Variants in STARD13 observed in about 807,000 individuals in gnomAD.
STARD13 encodes the protein StAR related lipid transfer domain containing 13.
Under a neutral mutation model 106.4 loss-of-function variants are expected in STARD13, and 62 were observed. That is an observed-to-expected ratio of 0.58 (90% CI 0.48 to 0.72). The LOEUF is 0.72. STARD13 is among the 30% of genes least tolerant of loss of function. STARD13 has a pLI of 0.00. For missense variants in STARD13, 1,387 were observed against 1,424.0 expected (o/e 0.97, Z 0.42); for synonymous variants, 565 against 553.0 (o/e 1.02, Z -0.31).
At chr13:33,303,043 C>T (rs1309282092) in intron 1 of STARD13, among the ~76,000 whole-genome samples, 1 of 152,192 alleles carries the variant, frequency 6.6e-6, no homozygotes, top group Non-Finnish European at 1.5e-5. Context: ...CCTGCTCTCA[C>T]AGCCTGTGAG....
At chr13:33,362,880 C>G in the STARD13 span, among the ~76,000 whole-genome samples, 147 of 152,330 alleles carry the variant, frequency 9.7e-4, 2 homozygotes, top group Admixed American at 5.4e-3. Context: ...TGATTCCCAG[C>G]ACCTAGAGCA....
chr13:33,161,319 CTT>C (rs761268263), intron 3 of STARD13, among the ~76,000 whole-genome samples: 10 of 144,548 alleles, frequency 6.9e-5, no homozygotes, highest in Admixed American at 2.1e-4. Flanking sequence ...TGTTTTATAT[CTT>C]TTTTTTTTTT....
intron 1 of STARD13, among the ~76,000 whole-genome samples, chr13:33,301,486 C>T (rs1892705716): frequency 1.3e-5 from 2 of 151,964 alleles, no homozygotes; most frequent in Admixed American, 1.3e-4. Flanking sequence ...AGACTCAAAG[C>T]TGCTGGTATA....
intron 3 of STARD13, among the ~76,000 whole-genome samples, chr13:33,145,334 A>T (rs1308292241): frequency 2.0e-5 from 3 of 152,218 alleles, no homozygotes; most frequent in African/African-American, 7.2e-5. Context: ...ACCTAAAGTA[A>T]AAACGCTGAC....
the STARD13 span, among the ~76,000 whole-genome samples, chr13:33,667,493 G>T: frequency 6.6e-6 from 1 of 152,126 alleles, no homozygotes; most frequent in Non-Finnish European, 1.5e-5. Flanking sequence ...TGCACATGTA[G>T]GCAATTAAGC....
the STARD13 span, among the ~76,000 whole-genome samples, chr13:33,634,721 G>GCA: frequency 1.1e-4 from 16 of 147,672 alleles, no homozygotes; most frequent in African/African-American, 3.2e-4. Context: ...ACACACACAT[G>GCA]CACACACACA....
At chr13:33,458,955 G>A in the STARD13 span, among the ~76,000 whole-genome samples, 1 of 151,516 alleles carries the variant, frequency 6.6e-6, no homozygotes, top group African/African-American at 2.4e-5. Flanking sequence ...TAAGTAGCTG[G>A]GATTACAGGC....
chr13:33,330,680 A>G (rs1174317807), intron 1 of STARD13, among the ~76,000 whole-genome samples: 1 of 152,240 alleles, frequency 6.6e-6, no homozygotes, highest in East Asian at 1.9e-4. Flanking sequence ...AAGTGATATC[A>G]GTTCCACTAT....
intron 3 of STARD13, among the ~76,000 whole-genome samples, chr13:33,149,931 T>A (rs1881051543): frequency 1.3e-5 from 2 of 152,224 alleles, no homozygotes; most frequent in Non-Finnish European, 2.9e-5. Context: ...ATAAGTAATA[T>A]AAAATCCTTC....
intron 1 of STARD13, chr13:33,335,338 G>A (rs900925275): frequency 1.3e-5 from 2 of 152,206 alleles, no homozygotes; most frequent in African/African-American, 2.4e-5. Context: ...ATGCTGGAAC[G>A]TCACAGCCAG....
At chr13:33,254,671 A>C (rs1397220404) in intron 1 of STARD13, among the ~76,000 whole-genome samples, 1 of 152,140 alleles carries the variant, frequency 6.6e-6, no homozygotes, top group Non-Finnish European at 1.5e-5. Flanking sequence ...AGGTGAGGAG[A>C]CAAGCACACG....
intron 7 of STARD13, among the ~76,000 whole-genome samples, chr13:33,122,585 C>T (rs1876505382): frequency 6.6e-6 from 1 of 152,192 alleles, no homozygotes; most frequent in African/African-American, 2.4e-5. Context: ...GCCCAGCCAC[C>T]CTCTTGAGAA....
At chr13:33,628,046 C>A in the STARD13 span, among the ~76,000 whole-genome samples, 1 of 149,508 alleles carries the variant, frequency 6.7e-6, no homozygotes, top group African/African-American at 2.5e-5. Context: ...CTCACTGCAA[C>A]CTAATTTTAG....
chr13:33,319,246 A>G (rs1481774182), intron 1 of STARD13, among the ~76,000 whole-genome samples: 1 of 152,228 alleles, frequency 6.6e-6, no homozygotes, highest in African/African-American at 2.4e-5. Context: ...GCATGTTACA[A>G]TATGGATGGA....
chr13:33,503,375 A>T, the STARD13 span, among the ~76,000 whole-genome samples: 1 of 151,810 alleles, frequency 6.6e-6, no homozygotes, highest in Non-Finnish European at 1.5e-5. Flanking sequence ...TTGTGTCTCT[A>T]TCTCCTTCAG....
chr13:33,401,433 C>T, the STARD13 span, among the ~76,000 whole-genome samples: 1 of 152,158 alleles, frequency 6.6e-6, no homozygotes, highest in Admixed American at 6.5e-5. Flanking sequence ...GCCAAGCCTC[C>T]CAACAGCCGC....
intron 1 of STARD13, among the ~76,000 whole-genome samples, chr13:33,232,163 A>T (rs1025173502): frequency 1.2e-4 from 18 of 152,074 alleles, no homozygotes; most frequent in South Asian, 8.3e-4. Flanking sequence ...AAATACAAAA[A>T]TTAGTTGGGC....
the STARD13 span, among the ~76,000 whole-genome samples, chr13:33,553,437 A>T: frequency 6.6e-6 from 1 of 152,000 alleles, no homozygotes; most frequent in African/African-American, 2.4e-5. Flanking sequence ...AAATAGTGTG[A>T]ATATAAGTAT....
intron 1 of STARD13, among the ~76,000 whole-genome samples, chr13:33,324,938 T>A (rs2077756702): frequency 6.6e-6 from 1 of 152,230 alleles, no homozygotes; most frequent in Non-Finnish European, 1.5e-5. Context: ...ACCGGAAATG[T>A]CATTTCTATT....
Sources: gnomAD v4.1 joint callset for allele counts (sites outside exome capture counted in the v4.1 genomes callset) on GRCh38, gnomAD v4.1.1 for gene constraint, MANE v1.5 for transcripts, NCBI Gene and HGNC (gene_info 2026-07-23, HGNC 2026-07-21) for gene names.